Variants in ST6GALNAC3 observed in about 807,000 individuals in gnomAD.
The protein encoded by ST6GALNAC3 is ST6 N-acetylgalactosaminide alpha-2,6-sialyltransferase 3.
ST6GALNAC3 carries 25 observed loss-of-function variants against 32.7 expected under a neutral mutation model. The observed-to-expected ratio is 0.76, with a 90% confidence interval of 0.56 to 1.07. The LOEUF (loss-of-function observed/expected upper bound fraction) is 1.07. Ranked by LOEUF, ST6GALNAC3 falls within the 50% of genes least tolerant of loss-of-function variation. ST6GALNAC3 has a pLI of 0.00. For synonymous variants in ST6GALNAC3, 129 were observed against 133.1 expected, an observed-to-expected ratio of 0.97 and a Z score of 0.21; for missense variants, 355 against 382.4, an observed-to-expected ratio of 0.93 and a Z score of 0.60.
chr1:76,458,026 A>G (rs1472194303), intron 3 of ST6GALNAC3, among the ~76,000 whole-genome samples: 16 of 149,342 alleles, frequency 1.1e-4, no homozygotes, highest in Non-Finnish European at 1.9e-4. Context: ...ATGAACTCCA[A>G]CAAATTTACA....
At chr1:76,157,188 A>G in intron 1 of ST6GALNAC3, among the ~76,000 whole-genome samples, 1 of 152,138 alleles carries the variant, frequency 6.6e-6, no homozygotes, top group East Asian at 1.9e-4. Context: ...CTGATCTACA[A>G]ATATATCTGT....
intron 3 of ST6GALNAC3, among the ~76,000 whole-genome samples, chr1:76,591,979 A>C (rs1570389350): frequency 6.6e-6 from 1 of 152,328 alleles, no homozygotes; most frequent in East Asian, 1.9e-4. Context: ...ATAGCATGCA[A>C]GTAAAGGGTC....
intron 3 of ST6GALNAC3, among the ~76,000 whole-genome samples, chr1:76,534,209 A>G (rs1480138094): frequency 1.3e-5 from 2 of 151,880 alleles, no homozygotes; most frequent in African/African-American, 2.4e-5. Context: ...CTGCCGGCTA[A>G]TTTTTGTATT....
chr1:76,272,082 C>G (rs1658876738), intron 1 of ST6GALNAC3, among the ~76,000 whole-genome samples: 1 of 151,940 alleles, frequency 6.6e-6, no homozygotes, highest in Non-Finnish European at 1.5e-5. Flanking sequence ...AATCCCAGCA[C>G]TTTGGGAGGG....
At chr1:76,515,919 T>C (rs774803060) in intron 3 of ST6GALNAC3, among the ~76,000 whole-genome samples, 1 of 152,212 alleles carries the variant, frequency 6.6e-6, no homozygotes, top group Non-Finnish European at 1.5e-5. Context: ...CCTGTTAGGT[T>C]CATTTAGTCT....
intron 1 of ST6GALNAC3, among the ~76,000 whole-genome samples, chr1:76,277,563 TATATACACAC>T (rs1659223518): frequency 3.6e-5 from 2 of 55,474 alleles, no homozygotes; most frequent in African/African-American, 1.8e-4. Flanking sequence ...TATATATATA[TATATACACAC>T]ACACATATGT....
intron 1 of ST6GALNAC3, among the ~76,000 whole-genome samples, chr1:76,285,741 TGATA>T (rs1479993462): frequency 1.3e-5 from 2 of 151,922 alleles, no homozygotes; most frequent in East Asian, 1.9e-4. Context: ...GACAACCTCC[TGATA>T]GATAGATGCA....
chr1:76,275,775 G>A (rs967933185), intron 1 of ST6GALNAC3, among the ~76,000 whole-genome samples: 33 of 152,122 alleles, frequency 2.2e-4, no homozygotes, highest in African/African-American at 8.0e-4. Context: ...TTAAATAAGA[G>A]TATTTACTGT....
chr1:76,490,307 A>G (rs1326831379), intron 3 of ST6GALNAC3, among the ~76,000 whole-genome samples: 1 of 152,070 alleles, frequency 6.6e-6, no homozygotes, highest in African/African-American at 2.4e-5. Context: ...CAAAGCAGAT[A>G]GTAAGTTCTA....
intron 3 of ST6GALNAC3, chr1:76,577,132 T>C (rs960606922): frequency 5.8e-5 from 62 of 1,064,208 alleles, no homozygotes; most frequent in Non-Finnish European, 7.0e-5. Context: ...TATGTAAATA[T>C]TTTTAAATGT....
At chr1:76,388,606 A>C (rs6593534) in intron 2 of ST6GALNAC3, among the ~76,000 whole-genome samples, 29,843 of 152,096 alleles carry the variant, frequency 0.2, 3,676 homozygotes, top group Non-Finnish European at 0.28. Flanking sequence ...ATTTTTTTCC[A>C]GACTCCCTTT....
At chr1:76,159,644 G>A (rs1337861442) in intron 1 of ST6GALNAC3, among the ~76,000 whole-genome samples, 3 of 152,188 alleles carry the variant, frequency 2.0e-5, no homozygotes, top group Admixed American at 1.3e-4. Flanking sequence ...GAAGATGAAA[G>A]GATAGATGAG....
chr1:76,569,809 C>T (rs1665759301), intron 3 of ST6GALNAC3, among the ~76,000 whole-genome samples: 1 of 152,082 alleles, frequency 6.6e-6, no homozygotes, highest in South Asian at 2.1e-4. Context: ...CTGTTCAATA[C>T]TGAGTCATTT....
chr1:76,197,297 T>G (rs1654259104), intron 1 of ST6GALNAC3, among the ~76,000 whole-genome samples: 1 of 152,244 alleles, frequency 6.6e-6, no homozygotes, highest in Non-Finnish European at 1.5e-5. Flanking sequence ...AACAAATATG[T>G]GTGTGCCAAC....
At chr1:76,545,368 A>T (rs315065) in intron 3 of ST6GALNAC3, among the ~76,000 whole-genome samples, 16,454 of 152,196 alleles carry the variant, frequency 0.11, 1,111 homozygotes, top group East Asian at 0.2. Context: ...TTGCATAAAT[A>T]TCGCCTCTTC....
At chr1:76,150,276 G>A (rs1368179633) in intron 1 of ST6GALNAC3, among the ~76,000 whole-genome samples, 7 of 152,268 alleles carry the variant, frequency 4.6e-5, no homozygotes, top group Middle Eastern at 3.4e-3. Flanking sequence ...GGTGTGAAAA[G>A]CAGGCTTCGT....
At chr1:76,336,627 T>C (rs941677145) in intron 2 of ST6GALNAC3, among the ~76,000 whole-genome samples, 1 of 152,156 alleles carries the variant, frequency 6.6e-6, no homozygotes, top group African/African-American at 2.4e-5. Flanking sequence ...AAATGACTGG[T>C]CCACATGAAA....
chr1:76,412,915 C>G (rs1654363107), intron 3 of ST6GALNAC3: 5 of 263,026 alleles, frequency 1.9e-5, no homozygotes, highest in South Asian at 1.6e-4. Context: ...AACATCATAA[C>G]TTGGTATCTA....
intron 3 of ST6GALNAC3, among the ~76,000 whole-genome samples, chr1:76,448,394 T>C (rs1275296525): frequency 2.0e-5 from 3 of 152,222 alleles, no homozygotes; most frequent in East Asian, 1.9e-4. Flanking sequence ...GACGTTGGTC[T>C]ATGGACTTTT....
Sources: allele counts gnomAD v4.1 joint callset (sites outside exome capture counted in the v4.1 genomes callset), GRCh38; gene constraint gnomAD v4.1.1; transcripts MANE v1.5; gene names NCBI Gene and HGNC (gene_info 2026-07-23, HGNC 2026-07-21).